Variants in ADGRB3 observed in about 807,000 individuals in gnomAD.
ADGRB3 encodes adhesion G protein-coupled receptor B3.
In ADGRB3, 37 loss-of-function variants were observed where a neutral mutation model predicts 193.4. That is an observed-to-expected ratio of 0.19 (90% CI 0.15 to 0.25). The LOEUF is 0.25. ADGRB3 is among the 10% of genes least tolerant of loss of function. The pLI is 1.00. For missense variants in ADGRB3, 1,637 were observed against 1,852.9 expected (o/e 0.88, Z 2.14); for synonymous variants, 690 against 644.2 (o/e 1.07, Z -1.08).
chr6:69,149,339 T>A (rs1330912760), intron 17 of ADGRB3, among the ~76,000 whole-genome samples: 1 of 152,004 alleles, frequency 6.6e-6, no homozygotes. Flanking sequence ...TCTGATGCAT[T>A]CTTTAGTATG....
chr6:69,132,537 A>G (rs1307790401), intron 17 of ADGRB3, among the ~76,000 whole-genome samples: 1 of 152,004 alleles, frequency 6.6e-6, no homozygotes, highest in Non-Finnish European at 1.5e-5. Context: ...CCTTTGTCAG[A>G]TGGATAGATT....
At chr6:69,037,236 G>C (rs976980333) in intron 13 of ADGRB3, among the ~76,000 whole-genome samples, 3 of 152,072 alleles carry the variant, frequency 2.0e-5, no homozygotes, top group African/African-American at 4.8e-5. Context: ...AAAGTGCTTT[G>C]GTAGTGGAAA....
chr6:68,790,229 G>A (rs917254763), intron 3 of ADGRB3, among the ~76,000 whole-genome samples: 43 of 152,072 alleles, frequency 2.8e-4, no homozygotes, highest in African/African-American at 7.0e-4. Flanking sequence ...CACAGCGTCC[G>A]AGATCAAACT....
chr6:69,075,487 T>C lies in ADGRB3; in HGVS notation c.2437-508T>C, dbSNP rs964486544. On this transcript the variant is annotated intron_variant, in intron 16 of 31. Coordinates refer to ENST00000370598, the MANE Select transcript of ADGRB3 (RefSeq NM_001704.3). ...ATCCTATACAACCATGATATGCTAA[T>C]TAAGAGGATATTGCAAGTTGACAAA... is the stretch of plus-strand genomic sequence containing the variant. Among the ~76,000 whole-genome samples the C allele has an allele frequency of 3.3e-5, 5 of 152,170 alleles. No individual in the cohort carries two copies. The East Asian group carries it at 7.7e-4, about 23-fold the overall frequency.
intron 3 of ADGRB3, among the ~76,000 whole-genome samples, chr6:68,833,796 A>G (rs1289742471): frequency 6.6e-6 from 1 of 152,040 alleles, no homozygotes; most frequent in Non-Finnish European, 1.5e-5. Flanking sequence ...CAGGCAAAAC[A>G]TTCATAATGA....
intron 3 of ADGRB3, among the ~76,000 whole-genome samples, chr6:68,884,140 T>A (rs496481): frequency 0.32 from 48,128 of 152,118 alleles, 8,231 homozygotes; most frequent in East Asian, 0.59. Context: ...GGTTCATTTA[T>A]TTTTTAAATC....
intron 3 of ADGRB3, among the ~76,000 whole-genome samples, chr6:68,841,046 G>A (rs1477513140): frequency 1.3e-5 from 2 of 152,158 alleles, no homozygotes; most frequent in African/African-American, 4.8e-5. Flanking sequence ...TCATCCAGAT[G>A]ATATATCAAC....
intron 3 of ADGRB3, among the ~76,000 whole-genome samples, chr6:68,879,213 C>CTTTTTTTT (rs529789046): frequency 4.4e-5 from 4 of 91,906 alleles, no homozygotes; most frequent in Non-Finnish European, 5.9e-5. Context: ...CTTTTTGTCG[C>CTTTTTTTT]TTTTTTTTTT....
chr6:69,090,854 G>A (rs1772685154), intron 17 of ADGRB3, among the ~76,000 whole-genome samples: 1 of 152,146 alleles, frequency 6.6e-6, no homozygotes, highest in African/African-American at 2.4e-5. Context: ...TGCTATAGGG[G>A]AAATAAGCTT....
intron 17 of ADGRB3, among the ~76,000 whole-genome samples, chr6:69,108,121 A>G (rs180935472): frequency 6.6e-6 from 1 of 152,108 alleles, no homozygotes; most frequent in Admixed American, 6.5e-5. Flanking sequence ...AGTCCTGGGA[A>G]TCTTAGCTCC....
At chr6:69,370,855 C>A (rs1344406553) in intron 29 of ADGRB3, among the ~76,000 whole-genome samples, 1 of 151,966 alleles carries the variant, frequency 6.6e-6, no homozygotes, top group African/African-American at 2.4e-5. Flanking sequence ...TATCCAAGAG[C>A]AGAATGGAAG....
At position 69,162,785 on chromosome 6, in the gene ADGRB3, G is replaced by T. The variant is rs1163856317; in HGVS notation, c.2481-70505G>T. The stretch of plus-strand genomic sequence containing the variant: ...AGATAGACTCAGACATTACTTTAAT[G>T]GAATCATTATTTTTTGCATGGGAGT... On this transcript the variant is annotated intron_variant, in intron 17 of 31. Transcript: ENST00000370598. Among the ~76,000 whole-genome samples, 7 of 152,182 alleles carry T rather than the reference G, an allele frequency of 4.6e-5. No homozygotes were observed. In the South Asian group the frequency reaches 1.5e-3, roughly 32 times the overall value.
At chr6:68,856,601 G>T (rs1453818313) in intron 3 of ADGRB3, among the ~76,000 whole-genome samples, 2 of 152,164 alleles carry the variant, frequency 1.3e-5, no homozygotes, top group East Asian at 3.9e-4. Flanking sequence ...CCTGGCAGAA[G>T]AAATTTCTAA....
intron 8 of ADGRB3, among the ~76,000 whole-genome samples, chr6:68,965,855 C>T (rs1556755): frequency 0.74 from 112,191 of 151,998 alleles, 41,577 homozygotes; most frequent in Middle Eastern, 0.82. Flanking sequence ...GTCTAGAGAG[C>T]AGCCTCAGCT....
intron 3 of ADGRB3, among the ~76,000 whole-genome samples, chr6:68,641,634 G>A (rs1236110027): frequency 2.6e-5 from 4 of 152,056 alleles, no homozygotes; most frequent in African/African-American, 9.7e-5. Context: ...CTTTGTTTAG[G>A]TATTCTGAGT....
intron 3 of ADGRB3, among the ~76,000 whole-genome samples, chr6:68,889,027 T>G (rs1765995926): frequency 6.6e-6 from 1 of 152,238 alleles, no homozygotes; most frequent in Non-Finnish European, 1.5e-5. Context: ...GACATACTTG[T>G]GTTTTGTCAT....
intron 20 of ADGRB3, among the ~76,000 whole-genome samples, chr6:69,269,468 T>C (rs1015543005): frequency 6.6e-6 from 1 of 152,212 alleles, no homozygotes; most frequent in Non-Finnish European, 1.5e-5. Context: ...GTGCTTGTAG[T>C]TGCATGTTCA....
rs1042718781 is a variant in ADGRB3 at position 69,021,901 on chromosome 6, A to T, written c.2107+3402A>T. On this transcript the variant is annotated intron_variant, in intron 13 of 31. Transcript: ENST00000370598. ...TATATATGTGTGCATGTACATTTTT[A>T]TAGGGAGCATGTTCATAGCTTTGAT... 2.0e-5 allele frequency among the ~76,000 whole-genome samples: 3 copies of T among 152,008 alleles called. No individual in the cohort carries two copies. The East Asian group carries it at 5.8e-4, about 29-fold the overall frequency.
Position 69,074,433 on chromosome 6 carries a change from A to G in ADGRB3, c.2437-1562A>G, listed in dbSNP as rs367823652. Among the ~76,000 whole-genome samples, 130 of 152,050 alleles carry G rather than the reference A, an allele frequency of 8.5e-4. 1 individual carries two copies. The highest frequency in any genetic ancestry group is 3.0e-3 in the African/African-American group (123 of 41,494). On this transcript the variant is annotated intron_variant, in intron 16 of 31. Transcript: ENST00000370598. ...CCCAGATACACTCCAGTGATTGTCT[A>G]TATGTAGACAACACTGAAGCCTGAG...
Sources: allele counts gnomAD v4.1 joint callset (sites outside exome capture counted in the v4.1 genomes callset), GRCh38; gene constraint gnomAD v4.1.1; transcripts MANE v1.5; gene names NCBI Gene and HGNC (gene_info 2026-07-23, HGNC 2026-07-21).